SLC24A2: variants seen among roughly 807,000 people sequenced by gnomAD.
The protein encoded by SLC24A2 is solute carrier family 24 member 2.
Under a neutral mutation model 62.0 loss-of-function variants are expected in SLC24A2, and 36 were observed. That is an observed-to-expected ratio of 0.58 (90% CI 0.44 to 0.77). The LOEUF is 0.77. SLC24A2 is among the 30% of genes least tolerant of loss of function. The pLI, the probability that SLC24A2 is intolerant of heterozygous loss-of-function variation, is 0.00. For missense variants in SLC24A2, 846 were observed against 817.9 expected (o/e 1.03, Z -0.42); for synonymous variants, 358 against 294.0 (o/e 1.22, Z -2.23).
the SLC24A2 span, among the ~76,000 whole-genome samples, chr9:20,090,527 G>A: frequency 5.3e-5 from 8 of 152,004 alleles, no homozygotes; most frequent in Non-Finnish European, 8.8e-5. Context: ...TCTACCAACC[G>A]ACCACTATAG....
At chr9:20,142,514 G>C in the SLC24A2 span, among the ~76,000 whole-genome samples, 3 of 148,580 alleles carry the variant, frequency 2.0e-5, no homozygotes, top group Non-Finnish European at 4.4e-5. Context: ...AGCAATGAAC[G>C]ATAAAGTTTC....
chr9:20,212,986 C>G, the SLC24A2 span, among the ~76,000 whole-genome samples: 1 of 151,642 alleles, frequency 6.6e-6, no homozygotes, highest in African/African-American at 2.4e-5. Flanking sequence ...CACATAGACA[C>G]AGGGACGGGA....
chr9:19,910,053 C>A, the SLC24A2 span, among the ~76,000 whole-genome samples: 1 of 152,108 alleles, frequency 6.6e-6, no homozygotes, highest in Non-Finnish European at 1.5e-5. Context: ...GTATTGTGAG[C>A]AAATAATGCA....
chr9:19,915,852 A>C, the SLC24A2 span, among the ~76,000 whole-genome samples: 22 of 151,818 alleles, frequency 1.4e-4, no homozygotes, highest in Non-Finnish European at 2.5e-4. Context: ...TATTTGCACA[A>C]ATTTTCTTAT....
At chr9:19,910,265 T>A in the SLC24A2 span, among the ~76,000 whole-genome samples, 7 of 152,198 alleles carry the variant, frequency 4.6e-5, no homozygotes, top group Non-Finnish European at 7.4e-5. Context: ...TCCTGCTCCT[T>A]ACCCTTCCTA....
In SLC24A2 at chr9:19,577,113, G is replaced by A. The variant is rs1277513903; in HGVS notation, c.1130-91C>T. 2.1e-5 allele frequency: 20 copies of A among 951,218 alleles called. No homozygotes were observed. The Admixed American group carries it at 3.2e-4, about 15-fold the overall frequency. The allele number at this position is 951,218 out of a possible 1,614,324, so 58.9% of individuals were successfully genotyped here. A position where few individuals can be genotyped will look rare whatever the true frequency, so the allele number is the denominator to read the frequency against. On this transcript the variant is annotated intron_variant, in intron 5 of 10. Coordinates refer to ENST00000341998, the MANE Select transcript of SLC24A2 (RefSeq NM_020344.4). ...GGTATGTGGCCTCCTCAGTCACGCT[G>A]CACTAATAGCGTGACCACTCCATTC...
At chr9:20,291,644 C>G in the SLC24A2 span, among the ~76,000 whole-genome samples, 1 of 152,196 alleles carries the variant, frequency 6.6e-6, no homozygotes, top group Non-Finnish European at 1.5e-5. Flanking sequence ...TCATCGTGGC[C>G]TCCACTGTGC....
chr9:19,850,990 T>TATAC, the SLC24A2 span, among the ~76,000 whole-genome samples: 2 of 39,832 alleles, frequency 5.0e-5, no homozygotes, highest in Non-Finnish European at 1.3e-4. Flanking sequence ...TATATGTATA[T>TATAC]ATATATATAT....
chr9:20,227,651 GC>G, the SLC24A2 span, among the ~76,000 whole-genome samples: 1 of 151,562 alleles, frequency 6.6e-6, no homozygotes, highest in Non-Finnish European at 1.5e-5. Flanking sequence ...GCCCTTCTAT[GC>G]CCTGCTATCA....
the SLC24A2 span, among the ~76,000 whole-genome samples, chr9:20,160,820 A>C: frequency 2.1e-4 from 31 of 150,974 alleles, no homozygotes; most frequent in Middle Eastern, 6.8e-3. Context: ...ATGTTTTAAA[A>C]ATAATTATAA....
the SLC24A2 span, among the ~76,000 whole-genome samples, chr9:20,017,094 C>G: frequency 6.6e-6 from 1 of 152,152 alleles, no homozygotes; most frequent in Admixed American, 6.5e-5. Flanking sequence ...ATGATCTTGG[C>G]TCACTGCAAC....
At chr9:19,851,452 A>C in the SLC24A2 span, among the ~76,000 whole-genome samples, 1 of 152,056 alleles carries the variant, frequency 6.6e-6, no homozygotes, top group African/African-American at 2.4e-5. Context: ...AGGTATTACT[A>C]GTTATTTGTC....
At chr9:19,549,806 C>T (rs750637524) in intron 8 of SLC24A2, among the ~76,000 whole-genome samples, 31 of 152,274 alleles carry the variant, frequency 2.0e-4, no homozygotes, top group Admixed American at 1.2e-3. Context: ...AATTCTTGAT[C>T]GACAGGATCC....
the SLC24A2 span, among the ~76,000 whole-genome samples, chr9:19,925,074 C>T: frequency 7.9e-5 from 12 of 152,326 alleles, no homozygotes; most frequent in Admixed American, 5.9e-4. Flanking sequence ...AAGTAAAACA[C>T]AGCTTGCCTT....
chr9:19,570,792 C>T (rs1342404059), intron 7 of SLC24A2, among the ~76,000 whole-genome samples: 1 of 152,186 alleles, frequency 6.6e-6, no homozygotes, highest in Non-Finnish European at 1.5e-5. Context: ...TAACTTGACC[C>T]TGGTGGATCT....
At chr9:19,948,371 T>C in the SLC24A2 span, among the ~76,000 whole-genome samples, 1 of 152,116 alleles carries the variant, frequency 6.6e-6, no homozygotes, top group Non-Finnish European at 1.5e-5. Context: ...ATGAATTATC[T>C]TCACAATATT....
the SLC24A2 span, among the ~76,000 whole-genome samples, chr9:19,906,473 A>C: frequency 3.9e-4 from 60 of 152,086 alleles, no homozygotes; most frequent in South Asian, 1.7e-3. Flanking sequence ...GAAATAACTA[A>C]GATCAGAGCA....
the SLC24A2 span, among the ~76,000 whole-genome samples, chr9:20,111,851 A>T: frequency 5.6e-4 from 85 of 152,214 alleles, 1 homozygote; most frequent in South Asian, 0.011. Flanking sequence ...CAAAAAGATT[A>T]AAAAAAATCT....
the SLC24A2 span, among the ~76,000 whole-genome samples, chr9:19,832,076 T>A: frequency 6.6e-6 from 1 of 152,208 alleles, no homozygotes; most frequent in Non-Finnish European, 1.5e-5. Flanking sequence ...CTGTCTGTAC[T>A]CTCTCACCCA....
Sources: allele counts gnomAD v4.1 joint callset (sites outside exome capture counted in the v4.1 genomes callset), GRCh38; gene constraint gnomAD v4.1.1; transcripts MANE v1.5; gene names NCBI Gene and HGNC (gene_info 2026-07-23, HGNC 2026-07-21).